The following NDUFS6 variants were observed in gnomAD, a reference collection of about 807,000 sequenced individuals.
NDUFS6 encodes NADH dehydrogenase [ubiquinone] iron-sulfur protein 6, mitochondrial.
NDUFS6 carries 14 observed loss-of-function variants against 13.2 expected under a neutral mutation model. The observed-to-expected ratio is 1.06, with a 90% CI of 0.70 to 1.66. The LOEUF is 1.66. Ranked by LOEUF, NDUFS6 falls within the 40% of genes most tolerant of loss-of-function variation. NDUFS6 has a pLI of 0.00. For synonymous variants in NDUFS6, 95 were observed against 72.3 expected (o/e 1.31, Z -1.60); for missense variants, 206 against 170.8 (o/e 1.21, Z -1.15).
chr5:1,815,307 G>C (rs906752455), intron 3 of NDUFS6, among the ~76,000 whole-genome samples: 1 of 152,014 alleles, frequency 6.6e-6, no homozygotes, highest in Non-Finnish European at 1.5e-5. Context: ...CGACAGTGGA[G>C]CACTCAGGGA....
At chr5:1,807,411 A>G (rs1452165306) in intron 2 of NDUFS6, among the ~76,000 whole-genome samples, 2 of 152,192 alleles carry the variant, frequency 1.3e-5, no homozygotes, top group Admixed American at 1.3e-4. Context: ...TAGAAATGGT[A>G]AAGATGGCAA....
intron 2 of NDUFS6, among the ~76,000 whole-genome samples, chr5:1,811,425 C>T (rs72704473): frequency 0.073 from 11,141 of 152,162 alleles, 536 homozygotes; most frequent in East Asian, 0.15. Flanking sequence ...AAAAATTATA[C>T]TTTCTTTAAG....
intron 2 of NDUFS6, among the ~76,000 whole-genome samples, chr5:1,813,489 C>T (rs1236446918): frequency 6.6e-6 from 1 of 152,188 alleles, no homozygotes; most frequent in Non-Finnish European, 1.5e-5. Flanking sequence ...AATATGTAGG[C>T]GGACCCCTGG....
intron 2 of NDUFS6, among the ~76,000 whole-genome samples, chr5:1,808,654 T>C (rs1406484631): frequency 6.6e-6 from 1 of 152,244 alleles, no homozygotes; most frequent in Non-Finnish European, 1.5e-5. Flanking sequence ...TCCAAGGCAC[T>C]GGCAAAATTA....
intron 2 of NDUFS6, among the ~76,000 whole-genome samples, chr5:1,806,328 C>T (rs535401519): frequency 9.8e-5 from 15 of 152,286 alleles, no homozygotes; most frequent in African/African-American, 3.1e-4. Context: ...GGCGGAGTCA[C>T]TCCCTGACCC....
chr5:1,814,665 A>C lies in NDUFS6; in HGVS notation c.309+204A>C, dbSNP rs761165593. The C allele has an allele frequency of 2.7e-5, 22 of 814,918 alleles. No individual in the cohort carries two copies. The highest frequency in any genetic ancestry group is 2.3e-5 in the Non-Finnish European group (11 of 488,112). The allele number at this position is 814,918 out of a possible 1,614,324, so 50.5% of individuals were successfully genotyped here. On this transcript the variant is annotated intron_variant, in intron 3 of 3. Transcript: ENST00000274137. This position sits in a 1 kb window ranked among gnomAD's most constrained non-coding sequence, Gnocchi z 4.9. ...CCGCCTGTCCGAAAACCCCCTTTCA[A>C]CTGTGAAGTGGTGGGCGGCATGTTT...
chr5:1,816,045 C>T lies in NDUFS6; in HGVS notation c.*129C>T. On this transcript the variant is annotated 3_prime_UTR_variant, in exon 4 of 4. Coordinates refer to ENST00000274137, the MANE Select transcript of NDUFS6 (RefSeq NM_004553.6). ...TGAATAAAGGGTGTTGCTGTCAAGG[C>T]TGACAATTTGTAAGTTTGTTTCTTT... 9.5e-7 allele frequency: 1 copy of T among 1,050,170 alleles called. No individual in the cohort carries two copies. The highest frequency in any genetic ancestry group is 1.5e-6 in the Non-Finnish European group (1 of 670,968). 65.1% of individuals were successfully genotyped at this position (1,050,170 alleles called of 1,614,324 possible).
chr5:1,807,487 C>T (rs549450906), intron 2 of NDUFS6, among the ~76,000 whole-genome samples: 17 of 152,316 alleles, frequency 1.1e-4, no homozygotes, highest in South Asian at 2.1e-4. Context: ...TTCAGGCCCA[C>T]GCAGGAATTG....
intron 2 of NDUFS6, among the ~76,000 whole-genome samples, chr5:1,809,833 CG>C (rs1486605103): frequency 2.3e-4 from 35 of 152,236 alleles, no homozygotes; most frequent in Non-Finnish European, 1.2e-4. Context: ...TGCGACAAGG[CG>C]AGCCGCCGGG....
chr5:1,809,058 G>A (rs1036961378), intron 2 of NDUFS6, among the ~76,000 whole-genome samples: 2 of 152,200 alleles, frequency 1.3e-5, no homozygotes, highest in African/African-American at 4.8e-5. Context: ...TTTAATAGAT[G>A]TAATCTCAGT....
chr5:1,811,960 T>G (rs1045834750), intron 2 of NDUFS6, among the ~76,000 whole-genome samples: 1 of 152,228 alleles, frequency 6.6e-6, no homozygotes, highest in Admixed American at 6.5e-5. Flanking sequence ...GAGGTAAAGT[T>G]TCTGTAGGAA....
chr5:1,814,295 C>G lies in NDUFS6; in HGVS notation c.187-44C>G, dbSNP rs374223491. On this transcript the variant is annotated intron_variant, in intron 2 of 3. Transcript: ENST00000274137. This position sits in a 1 kb window ranked among gnomAD's most constrained non-coding sequence, Gnocchi z 4.9. ...GGTGGGTTAAATTGTATGTAGTTAGCAAGTTTGTGTATTTGTTTACGTAAG... is the reference window on the plus strand; with the variant it reads ...GGTGGGTTAAATTGTATGTAGTTAGGAAGTTTGTGTATTTGTTTACGTAAG... The G allele has an allele frequency of 6.2e-7, 1 of 1,613,586 alleles. No individual in the cohort carries two copies. The highest frequency in any genetic ancestry group is 1.7e-5 in the Admixed American group (1 of 60,014).
At position 1,814,494 on chromosome 5, in the gene NDUFS6, G is replaced by A. The variant is rs1290025966; in HGVS notation, c.309+33G>A. ...GCTGGCCACCTGTGCACATGTTAGGGCAGCCTGCTCGTCCTCATACTCCCC... is the reference window on the plus strand; with the variant it reads ...GCTGGCCACCTGTGCACATGTTAGGACAGCCTGCTCGTCCTCATACTCCCC... On this transcript the variant is annotated intron_variant, in intron 3 of 3. Transcript: ENST00000274137. This position sits in a 1 kb window ranked among gnomAD's most constrained non-coding sequence, Gnocchi z 4.9. 2 of 1,614,022 alleles carry A rather than the reference G, an allele frequency of 1.2e-6. No homozygotes were observed.
intron 2 of NDUFS6, among the ~76,000 whole-genome samples, chr5:1,810,090 C>G (rs879452390): frequency 6.6e-6 from 1 of 152,240 alleles, no homozygotes; most frequent in Non-Finnish European, 1.5e-5. Context: ...CGTGTGTGTT[C>G]TCTGTGACTG....
At chr5:1,815,070 G>A (rs1290614530) in intron 3 of NDUFS6, among the ~76,000 whole-genome samples, 1 of 152,108 alleles carries the variant, frequency 6.6e-6, no homozygotes, top group East Asian at 1.9e-4. Flanking sequence ...AGGACTTTGG[G>A]GGGCACACGG....
chr5:1,805,245 C>T (rs1401984121), intron 2 of NDUFS6, among the ~76,000 whole-genome samples: 1 of 152,066 alleles, frequency 6.6e-6, no homozygotes, highest in Non-Finnish European at 1.5e-5. Flanking sequence ...GTGGGAGGGT[C>T]ATTGAGTCTG....
At chr5:1,810,337 G>A (rs1734198971) in intron 2 of NDUFS6, among the ~76,000 whole-genome samples, 1 of 152,244 alleles carries the variant, frequency 6.6e-6, no homozygotes, top group Admixed American at 6.5e-5. Context: ...TTAGAGGCCT[G>A]CTGGGGGTGT....
intron 1 of NDUFS6, 83 bp from the exon 2 acceptor site, chr5:1,802,238 T>G: frequency 7.6e-7 from 1 of 1,309,454 alleles, no homozygotes; most frequent in Non-Finnish European, 1.1e-6. Context: ...AAAAACACTT[T>G]CCTGTAATAT....
At position 1,802,130 on chromosome 5, in the gene NDUFS6, C is replaced by G. The variant is rs111398973; in HGVS notation, c.133-191C>G. On this transcript the variant is annotated intron_variant, in intron 1 of 3. Coordinates refer to ENST00000274137, the MANE Select transcript of NDUFS6 (RefSeq NM_004553.6). ...CTGTGCTGCTCTCTGATCCAGGTGA[C>G]CACCCGTTTTCATCCCAGGTATCTC... The G allele has an allele frequency of 9.3e-3, 5,431 of 581,898 alleles. 38 individuals are homozygous for G. Among genetic ancestry groups the G allele is most frequent in the Middle Eastern group, 0.014 (30 of 2,180 alleles). The allele number at this position is 581,898 out of a possible 1,614,324, so 36.0% of individuals were successfully genotyped here.
Sources: gnomAD v4.1 joint callset for allele counts (sites outside exome capture counted in the v4.1 genomes callset) on GRCh38, gnomAD v4.1.1 for gene constraint, Gnocchi (gnomAD v3.1) non-coding constraint, MANE v1.5 for transcripts, NCBI Gene and HGNC (gene_info 2026-07-23, HGNC 2026-07-21) for gene names.